Variants in STARD9 observed in about 807,000 individuals in gnomAD.
The protein encoded by STARD9 is StAR related lipid transfer domain containing 9.
Under a neutral mutation model 399.8 loss-of-function variants are expected in STARD9, and 346 were observed. The observed-to-expected ratio is 0.87, with a 90% CI of 0.79 to 0.95. The LOEUF (loss-of-function observed/expected upper bound fraction) is 0.95. Among genes scored for constraint, STARD9 ranks in the 40% least tolerant of loss-of-function variants. The pLI is 0.00. For missense variants in STARD9, 5,832 were observed against 5,667.5 expected (o/e 1.03, Z -0.93); for synonymous variants, 2,203 against 2,143.5 (o/e 1.03, Z -0.77).
intron 3 of STARD9, among the ~76,000 whole-genome samples, chr15:42,623,142 C>A (rs2059125036): frequency 6.6e-6 from 1 of 152,126 alleles, no homozygotes; most frequent in South Asian, 2.1e-4. Context: ...ATCCCAGCTA[C>A]CTGGGAGGCT....
chr15:42,687,848 G>A lies in STARD9; in HGVS notation c.6270G>A (p.Lys2090=). ...TDKELVFQDQ[K]EQEKTDHAFR... is the part of the protein sequence containing the mutation. ...AGGAGTTGGTGTTCCAGGACCAGAAGGAGCAGGAGAAGACTGACCATGCCT... is the reference window on the plus strand; with the variant it reads ...AGGAGTTGGTGTTCCAGGACCAGAAAGAGCAGGAGAAGACTGACCATGCCT... Residue 2090 remains lysine, a synonymous_variant, in exon 23 of 33, where the codon AAG becomes AAA. Transcript: ENST00000290607. 1.3e-6 allele frequency: 2 copies of A among 1,537,316 alleles called. No individual in the cohort carries two copies. Among genetic ancestry groups the A allele is most frequent in the Non-Finnish European group, 1.7e-6 (2 of 1,146,980 alleles).
At chr15:42,598,535 C>T (rs2058561732) in intron 3 of STARD9, among the ~76,000 whole-genome samples, 1 of 151,136 alleles carries the variant, frequency 6.6e-6, no homozygotes. Context: ...GGTAGGGCTT[C>T]AGCTTTATAT....
Position 42,692,694 on chromosome 15 carries a change from A to C in STARD9, c.11116A>C (p.Arg3706=), listed in dbSNP as rs117486394. 1.6e-3 allele frequency: 2,483 copies of C among 1,537,040 alleles called. 58 individuals are homozygous for C. The East Asian group carries it at 0.046, about 29-fold the overall frequency. Residue 3706 remains arginine (R), a synonymous_variant, in exon 23 of 33, where the codon AGG becomes CGG. Coordinates refer to ENST00000290607, the MANE Select transcript of STARD9 (RefSeq NM_020759.3). The part of the protein sequence containing the change: ...GSLSQPDVAR[R]EQNTKRDIPD... ...TCTCTCCCAGCCAGATGTGGCCAGA[A>C]GGGAGCAGAACACCAAGAGGGACAT...
chr15:42,587,750 A>G (rs747220922), intron 3 of STARD9, among the ~76,000 whole-genome samples: 3 of 152,074 alleles, frequency 2.0e-5, no homozygotes, highest in Non-Finnish European at 4.4e-5. Context: ...TTTTTAATAG[A>G]GACGAGGTTT....
chr15:42,681,828 C>T (rs997816799), intron 21 of STARD9, among the ~76,000 whole-genome samples: 5 of 152,068 alleles, frequency 3.3e-5, no homozygotes, highest in Admixed American at 6.6e-5. Flanking sequence ...CTCAGAATTA[C>T]GGACCTCCTA....
chr15:42,665,198 A>G (rs2060071218), intron 13 of STARD9, 55 bp from the exon 14 acceptor site: 2 of 1,397,890 alleles, frequency 1.4e-6, no homozygotes, highest in Non-Finnish European at 2.0e-6. Flanking sequence ...CTAGCATTTC[A>G]CAGCTGAGTG....
At position 42,575,632 on chromosome 15, in the gene STARD9, G is replaced by A. The variant is rs2058035672; in HGVS notation, c.-84G>A. ...GAGGCGCGTGGGGCGGGCGGGGCTG[G>A]GTTGGGGCTGTGTCTGGGCTTAGGG... On this transcript the variant is annotated 5_prime_UTR_variant, in exon 1 of 33. Transcript: ENST00000290607. 10 of 1,456,228 alleles carry A rather than the reference G, an allele frequency of 6.9e-6. No individual in the cohort carries two copies. In the South Asian group the frequency reaches 1.2e-4, roughly 18 times the overall value. 90.2% of individuals were successfully genotyped at this position (1,456,228 alleles called of 1,614,324 possible). A position where few individuals can be genotyped will look rare whatever the true frequency, so the allele number is the denominator to read the frequency against.
intron 18 of STARD9, chr15:42,675,463 G>C: frequency 1.8e-6 from 1 of 560,716 alleles, no homozygotes; most frequent in Non-Finnish European, 3.2e-6. Flanking sequence ...CCTTTCCCTT[G>C]GAATAGTAGA....
intron 26 of STARD9, among the ~76,000 whole-genome samples, chr15:42,698,088 C>T (rs1434494094): frequency 1.3e-5 from 2 of 152,178 alleles, no homozygotes; most frequent in Non-Finnish European, 2.9e-5. Flanking sequence ...AGAACTTTCT[C>T]ATTTTGTTCA....
Position 42,693,482 on chromosome 15 carries a change from A to G in STARD9, c.11904A>G (p.Leu3968=). 6.5e-7 allele frequency: 1 copy of G among 1,537,260 alleles called. No individual in the cohort carries two copies. The highest frequency in any genetic ancestry group is 8.7e-7 in the Non-Finnish European group (1 of 1,146,908). ...GCTCCCAGAGAGGTAGAAGTTCCTT[A>G]CAAAGGAGTAATGGGAGATCCTTCC... ...LGGSQRGRSS[L]QRSNGRSFLE... The change falls in exon 23 of 33, where the codon TTA becomes TTG. Residue 3968 remains leucine (L), a synonymous_variant. Transcript: ENST00000290607.
chr15:42,653,536 T>C (rs771485199), intron 9 of STARD9, among the ~76,000 whole-genome samples: 2 of 152,180 alleles, frequency 1.3e-5, no homozygotes, highest in Non-Finnish European at 2.9e-5. Context: ...TAGAGAAAAG[T>C]GACTTATACA....
At chr15:42,581,064 GC>G in intron 1 of STARD9, 1 of 580,914 alleles carries the variant, frequency 1.7e-6, no homozygotes, top group South Asian at 1.7e-5. Context: ...GATCCTATTG[GC>G]CAAATCAGGT....
At chr15:42,675,481 C>T (rs2060291314) in intron 18 of STARD9, 183 bp from the exon 19 acceptor site, 1 of 583,570 alleles carries the variant, frequency 1.7e-6, no homozygotes, top group South Asian at 2.0e-5. Context: ...AGAGTTCTTC[C>T]TGTCTGTCTT....
chr15:42,632,414 T>C (rs541065612), intron 3 of STARD9, among the ~76,000 whole-genome samples: 1 of 152,346 alleles, frequency 6.6e-6, no homozygotes, highest in Non-Finnish European at 1.5e-5. Flanking sequence ...TTGGAGAGTT[T>C]AGTCCCTTTA....
Position 42,632,993 on chromosome 15 carries a change from A to G in STARD9, c.235-1863A>G, listed in dbSNP as rs539933616. On this transcript the variant is annotated intron_variant, in intron 3 of 32. Coordinates refer to ENST00000290607, the MANE Select transcript of STARD9 (RefSeq NM_020759.3). ...CCTGTCTCTACAAAAATACAAAAAA[A>G]TTAGCTGGGCATGGTGATGCACACC... is the stretch of plus-strand genomic sequence containing the variant. 3.5e-3 allele frequency among the ~76,000 whole-genome samples: 525 copies of G among 152,156 alleles called. 2 individuals are homozygous for G. The highest frequency in any genetic ancestry group is 6.0e-3 in the Non-Finnish European group (411 of 68,014).
rs189791515 is a variant in STARD9 at position 42,709,124 on chromosome 15, G to A, written c.13285-7553G>A. On this transcript the variant is annotated intron_variant, in intron 26 of 32. Coordinates refer to ENST00000290607, the MANE Select transcript of STARD9 (RefSeq NM_020759.3). ...ATGATTAATGAACATGGCTGAATGT[G>A]GTGGCTGACGCCTGTAATCCCAGTG... Among the ~76,000 whole-genome samples the A allele has an allele frequency of 5.1e-4, 77 of 152,224 alleles. 1 individual carries two copies. The highest frequency in any genetic ancestry group is 1.7e-3 in the African/African-American group (72 of 41,526).
In STARD9 at chr15:42,682,435, T is replaced by A; in HGVS notation, c.2397T>A (p.Asp799Glu). 2 of 1,537,198 alleles carry A rather than the reference T, an allele frequency of 1.3e-6. No individual in the cohort carries two copies. The highest frequency in any genetic ancestry group is 1.7e-6 in the Non-Finnish European group (2 of 1,146,888). ...TCACGACATTGTGCTGGCTCCAGGA[T>A]GACAGCACCCAGGAGCCCCCATACC... ...EKLTTLCWLQDDSTQEPPYQV... is the reference protein window; with the variant it reads ...EKLTTLCWLQEDSTQEPPYQV... Residue 799 changes from aspartate to glutamate, a missense_variant, in exon 22 of 33, where the codon GAT (aspartate) becomes GAA (glutamate). This residue lies in a region of STARD9 where 5,828 missense variants were observed against 5,651.1 expected (regional missense o/e 1.03). Coordinates refer to ENST00000290607, the MANE Select transcript of STARD9 (RefSeq NM_020759.3).
At chr15:42,616,716 C>G (rs1378181462) in intron 3 of STARD9, among the ~76,000 whole-genome samples, 1 of 151,624 alleles carries the variant, frequency 6.6e-6, no homozygotes, top group Non-Finnish European at 1.5e-5. Flanking sequence ...ACGGTGAAAC[C>G]CCATCTCTAC....
intron 9 of STARD9, among the ~76,000 whole-genome samples, chr15:42,659,822 C>T (rs1222203025): frequency 6.6e-6 from 1 of 152,188 alleles, no homozygotes; most frequent in Non-Finnish European, 1.5e-5. Flanking sequence ...TCATGCCCAG[C>T]CTAGCAGTTT....
Sources: gnomAD v4.1 joint callset for allele counts (sites outside exome capture counted in the v4.1 genomes callset) on GRCh38, gnomAD v4.1.1 for gene constraint, gnomAD v4.1.1 regional missense constraint, MANE v1.5 for transcripts, NCBI Gene and HGNC (gene_info 2026-07-23, HGNC 2026-07-21) for gene names.